Variants in ZNF718 observed in about 807,000 individuals in gnomAD.
ZNF718 encodes the protein zinc finger protein 718.
A neutral mutation model predicts 2.6 loss-of-function variants in ZNF718; 3 were observed. The observed-to-expected ratio is 1.16, with a 90% CI of 0.53 to 3.01. The LOEUF is 3.01. Ranked by LOEUF, ZNF718 falls within the 30% of genes most tolerant of loss-of-function variation. The pLI, the probability that ZNF718 is intolerant of heterozygous loss-of-function variation, is 0.03. For missense variants in ZNF718, 468 were observed against 230.0 expected (o/e 2.03, Z -6.69); for synonymous variants, 135 against 77.9 (o/e 1.73, Z -3.86).
rs1364705749 is a variant in ZNF718, at chr4:132,589, GA to G, written c.226+1085del. Among the ~76,000 whole-genome samples, 2 of 104,352 alleles carry G rather than the reference GA, an allele frequency of 1.9e-5. 1 individual carries two copies. The highest frequency in any genetic ancestry group is 4.3e-5 in the Non-Finnish European group (2 of 46,756). 68.5% of individuals were successfully genotyped at this position (104,352 alleles called of 152,430 possible). Reference sequence around the variant, plus strand: ...GTTCAGAGATCCCAGGAACACCAGAGACAGTTGTTGCAGGTATTGCATCTTT... The same window carrying G: ...GTTCAGAGATCCCAGGAACACCAGAGCAGTTGTTGCAGGTATTGCATCTTT... On this transcript the variant is annotated intron_variant, in intron 3 of 3. Transcript: ENST00000510175.
chr4:189,149 C>T (rs1276189012), intron 3 of ZNF718, among the ~76,000 whole-genome samples: 1 of 150,640 alleles, frequency 6.6e-6, no homozygotes, highest in Non-Finnish European at 1.5e-5. Context: ...CAACCTCTGC[C>T]TCCTGGGTTC....
At chr4:178,045 T>G (rs1717384898) in intron 3 of ZNF718, among the ~76,000 whole-genome samples, 1 of 152,170 alleles carries the variant, frequency 6.6e-6, no homozygotes, top group Non-Finnish European at 1.5e-5. Flanking sequence ...ATACTGTGGT[T>G]AAACTGTCAG....
chr4:126,761 A>G (rs977542827), intron 1 of ZNF718, among the ~76,000 whole-genome samples: 13 of 151,902 alleles, frequency 8.6e-5, no homozygotes, highest in African/African-American at 3.1e-4. Flanking sequence ...GTTTAATTAT[A>G]TAACAAAACA....
At chr4:170,877 C>G (rs1717210166) in intron 3 of ZNF718, among the ~76,000 whole-genome samples, 1 of 152,256 alleles carries the variant, frequency 6.6e-6, no homozygotes, top group Non-Finnish European at 1.5e-5. Flanking sequence ...CAGCTTTGTT[C>G]CATTGCTGGT....
In ZNF718 at chr4:127,532, G is replaced by T. The variant is rs1174262745; in HGVS notation, c.3+2859G>T. 2.9e-5 allele frequency among the ~76,000 whole-genome samples: 3 copies of T among 104,228 alleles called. 1 individual carries two copies. The Admixed American group carries it at 3.1e-4, about 11-fold the overall frequency. The allele number at this position is 104,228 out of a possible 152,430, so 68.4% of individuals were successfully genotyped here. Reference sequence around the variant, plus strand: ...CCCTCCTCCCTTTGCCCAAATGCCCGCAAATGTGCATAGCTCACCAGCCCT... The same window carrying T: ...CCCTCCTCCCTTTGCCCAAATGCCCTCAAATGTGCATAGCTCACCAGCCCT... On this transcript the variant is annotated intron_variant, in intron 1 of 3. Coordinates refer to ENST00000510175, the MANE Select transcript of ZNF718 (RefSeq NM_001039127.6).
chr4:189,059 ATT>A (rs1228743332), intron 3 of ZNF718, among the ~76,000 whole-genome samples: 5,205 of 134,712 alleles, frequency 0.039, 212 homozygotes, highest in African/African-American at 0.12. Context: ...TCTGTAGATT[ATT>A]TTTTTTTTTT....
At chr4:180,513 A>G (rs2108813119) in intron 3 of ZNF718, among the ~76,000 whole-genome samples, 1 of 152,350 alleles carries the variant, frequency 6.6e-6, no homozygotes, top group South Asian at 2.1e-4. Flanking sequence ...CTCTGACCAG[A>G]TTAGACTCTG....
intron 3 of ZNF718, among the ~76,000 whole-genome samples, chr4:147,299 C>T (rs906861111): frequency 2.0e-5 from 3 of 152,142 alleles, no homozygotes; most frequent in African/African-American, 7.2e-5. Flanking sequence ...TTATATTTGC[C>T]TGATCCTTCA....
At chr4:187,769 A>G (rs1717598191) in intron 3 of ZNF718, among the ~76,000 whole-genome samples, 1 of 151,380 alleles carries the variant, frequency 6.6e-6, no homozygotes, top group South Asian at 2.1e-4. Context: ...TGGTAGAGCA[A>G]CTGTACTGTG....
chr4:172,734 T>G (rs1553818306), intron 3 of ZNF718, among the ~76,000 whole-genome samples: 1 of 152,196 alleles, frequency 6.6e-6, no homozygotes, highest in Non-Finnish European at 1.5e-5. Context: ...ATACTTTTTT[T>G]TGTTATACAT....
intron 3 of ZNF718, among the ~76,000 whole-genome samples, chr4:187,829 C>T (rs1717599677): frequency 6.6e-6 from 1 of 152,184 alleles, no homozygotes; most frequent in African/African-American, 2.4e-5. Flanking sequence ...CCAAGGCCCA[C>T]AGGCTGCACT....
At position 162,538 on chromosome 4, in the gene ZNF718, A is replaced by G. The variant is rs1466125007; in HGVS notation, c.*416A>G. Reference sequence around the variant, plus strand: ...TTAATAAAAGGATTATAAATGTAGTATTTGTTGAAAGACCTATTAGAAAAT... The same window carrying G: ...TTAATAAAAGGATTATAAATGTAGTGTTTGTTGAAAGACCTATTAGAAAAT... On this transcript the variant is annotated 3_prime_UTR_variant, in exon 4 of 4. Transcript: ENST00000510175. The G allele has an allele frequency of 1.3e-5, 2 of 155,982 alleles. No individual in the cohort carries two copies. The highest frequency in any genetic ancestry group is 4.8e-5 in the African/African-American group (2 of 41,520). 9.7% of individuals were successfully genotyped at this position (155,982 alleles called of 1,614,324 possible).
chr4:169,452 GT>G, intron 3 of ZNF718, among the ~76,000 whole-genome samples: 1 of 152,088 alleles, frequency 6.6e-6, no homozygotes, highest in East Asian at 1.9e-4. Context: ...ACAGTGGGGT[GT>G]TAAAGTCTCC....
intron 3 of ZNF718, among the ~76,000 whole-genome samples, chr4:173,201 C>CTTACAGCATAATTTTAAACTA (rs1553818435): frequency 2.6e-5 from 4 of 151,654 alleles, no homozygotes; most frequent in Non-Finnish European, 5.9e-5. Context: ...CCTCCAGCAA[C>CTTACAGCATAATTTTAAACTA]TCCGTACTTA....
intron 3 of ZNF718, among the ~76,000 whole-genome samples, chr4:169,989 T>A (rs1164900643): frequency 1.3e-5 from 2 of 152,182 alleles, no homozygotes; most frequent in Non-Finnish European, 2.9e-5. Flanking sequence ...CTGGTACCAG[T>A]TATTCCTTTC....
intron 3 of ZNF718, among the ~76,000 whole-genome samples, chr4:148,705 G>T (rs1553811907): frequency 6.6e-6 from 1 of 151,636 alleles, no homozygotes; most frequent in African/African-American, 2.4e-5. Flanking sequence ...GTCTCTGTGT[G>T]TGCAGGATTT....
chr4:174,050 C>G (rs1343480416), intron 3 of ZNF718, among the ~76,000 whole-genome samples: 2 of 152,150 alleles, frequency 1.3e-5, no homozygotes, highest in Admixed American at 6.6e-5. Flanking sequence ...TTTAGGAGAT[C>G]AGTTTTAGGA....
At chr4:173,516 G>A (rs1553818509) in intron 3 of ZNF718, among the ~76,000 whole-genome samples, 1 of 152,154 alleles carries the variant, frequency 6.6e-6, no homozygotes, top group Non-Finnish European at 1.5e-5. Flanking sequence ...CTAGAACTAG[G>A]AAAGAAACCA....
intron 3 of ZNF718, among the ~76,000 whole-genome samples, chr4:174,797 G>C (rs782667058): frequency 6.6e-6 from 1 of 152,102 alleles, no homozygotes; most frequent in Non-Finnish European, 1.5e-5. Flanking sequence ...GGGCATCCAC[G>C]GTCTTCACAA....
Sources: gnomAD v4.1 joint callset for allele counts (sites outside exome capture counted in the v4.1 genomes callset) on GRCh38, gnomAD v4.1.1 for gene constraint, MANE v1.5 for transcripts, NCBI Gene and HGNC (gene_info 2026-07-23, HGNC 2026-07-21) for gene names.